Variants in CPEB1 observed in about 807,000 individuals in gnomAD.
The protein encoded by CPEB1 is cytoplasmic polyadenylation element-binding protein 1.
In CPEB1, 7 loss-of-function variants were observed where a neutral mutation model predicts 65.8. The observed-to-expected ratio is 0.11, with a 90% CI of 0.06 to 0.20. The LOEUF (loss-of-function observed/expected upper bound fraction) is 0.20, where lower values mean the gene tolerates loss of function less well. CPEB1 is among the 10% of genes least tolerant of loss of function. CPEB1 has a pLI of 1.00. For synonymous variants in CPEB1, 262 were observed against 260.0 expected (o/e 1.01, Z -0.08); for missense variants, 551 against 712.2 (o/e 0.77, Z 2.58).
chr15:82,569,429 T>C (rs1567188013), intron 4 of CPEB1, among the ~76,000 whole-genome samples: 1 of 152,190 alleles, frequency 6.6e-6, no homozygotes, highest in African/African-American at 2.4e-5. Flanking sequence ...TTCTGGTCCT[T>C]ATGAATTCTG....
intron 3 of CPEB1, chr15:82,571,921 C>T (rs1173079364): frequency 1.1e-6 from 1 of 927,784 alleles, no homozygotes; most frequent in African/African-American, 1.8e-5. Context: ...AAAGACAGCA[C>T]AACAGCTACT....
Position 82,591,229 on chromosome 15 carries a change from G to GT in CPEB1, c.272-19698dup, listed in dbSNP as rs533103392. ...TAGCCATCCTGACTGGTGTGAGGTAGTAACTTACTGTGGTTTTGATTTTCA... is the reference window on the plus strand; with the variant it reads ...TAGCCATCCTGACTGGTGTGAGGTAGTTAACTTACTGTGGTTTTGATTTTCA... On this transcript the variant is annotated intron_variant, in intron 3 of 12. Coordinates refer to ENST00000684509, the MANE Select transcript of CPEB1 (RefSeq NM_001365242.1). Among the ~76,000 whole-genome samples, 167 of 152,178 alleles carry GT rather than the reference G, an allele frequency of 1.1e-3. 2 individuals carry two copies. Among genetic ancestry groups the GT allele is most frequent in the South Asian group, 8.5e-3 (41 of 4,824 alleles).
At chr15:82,550,172 T>C (rs182724836) in intron 9 of CPEB1, among the ~76,000 whole-genome samples, 39 of 152,220 alleles carry the variant, frequency 2.6e-4, no homozygotes, top group Non-Finnish European at 4.7e-4. Context: ...GCAGTGGAAA[T>C]GACTGGCGAG....
At chr15:82,550,075 C>T (rs2035978412) in intron 9 of CPEB1, among the ~76,000 whole-genome samples, 1 of 152,208 alleles carries the variant, frequency 6.6e-6, no homozygotes, top group South Asian at 2.1e-4. Context: ...AGGCTAGGAT[C>T]CTGAAGGACA....
At chr15:82,579,142 T>A (rs2040969439) in intron 3 of CPEB1, among the ~76,000 whole-genome samples, 1 of 152,154 alleles carries the variant, frequency 6.6e-6, no homozygotes, top group African/African-American at 2.4e-5. Flanking sequence ...CATGAGATTT[T>A]AAAAGACCTC....
At chr15:82,631,982 C>CT (rs10656923) in intron 1 of CPEB1, among the ~76,000 whole-genome samples, 38,063 of 124,730 alleles carry the variant, frequency 0.31, 6,549 homozygotes, top group East Asian at 0.36. Context: ...ATTTTTTTCT[C>CT]TTTTTTTTTT....
chr15:82,572,373 G>C (rs540293250), intron 3 of CPEB1, among the ~76,000 whole-genome samples: 3 of 152,320 alleles, frequency 2.0e-5, no homozygotes, highest in African/African-American at 7.2e-5. Flanking sequence ...GCTTATCACA[G>C]AGAAAGGGGG....
At chr15:82,640,935 C>G (rs1200889493) in intron 1 of CPEB1, 1 of 150,582 alleles carries the variant, frequency 6.6e-6, no homozygotes, top group Non-Finnish European at 1.5e-5. Context: ...CATAGTCTTA[C>G]AAACCAAATG....
Position 82,544,523 on chromosome 15 carries a change from G to T in CPEB1, c.*69C>A. On this transcript the variant is annotated 3_prime_UTR_variant, in exon 13 of 13. Coordinates refer to ENST00000684509, the MANE Select transcript of CPEB1 (RefSeq NM_001365242.1). ...CCAGCTCCCTGGTCGCCAGTGGCAGGGTGGTGCAGGCTGCTTGCCTGACCT... is the reference window on the plus strand; with the variant it reads ...CCAGCTCCCTGGTCGCCAGTGGCAGTGTGGTGCAGGCTGCTTGCCTGACCT... The T allele has an allele frequency of 8.7e-7, 1 of 1,156,030 alleles. No individual in the cohort carries two copies. Among genetic ancestry groups the T allele is most frequent in the Non-Finnish European group, 1.3e-6 (1 of 789,494 alleles). The allele number at this position is 1,156,030 out of a possible 1,614,324, so 71.6% of individuals were successfully genotyped here. A position where few individuals can be genotyped will look rare whatever the true frequency, so the allele number is the denominator to read the frequency against.
At chr15:82,548,319 G>A (rs2035632767) in intron 10 of CPEB1, among the ~76,000 whole-genome samples, 2 of 152,028 alleles carry the variant, frequency 1.3e-5, no homozygotes, top group African/African-American at 2.4e-5. Context: ...CGGCAACAGA[G>A]TGAGACTCCA....
At chr15:82,614,827 A>G (rs1357656591) in intron 3 of CPEB1, among the ~76,000 whole-genome samples, 4 of 151,442 alleles carry the variant, frequency 2.6e-5, no homozygotes, top group Non-Finnish European at 1.5e-5. Flanking sequence ...CAGAAAACCT[A>G]GTTCAACTCT....
chr15:82,632,680 A>G (rs755170440), intron 1 of CPEB1, among the ~76,000 whole-genome samples: 1 of 151,368 alleles, frequency 6.6e-6, no homozygotes, highest in Non-Finnish European at 1.5e-5. Context: ...ATGCCCAGCT[A>G]ATTTTTTTTT....
chr15:82,598,076 G>A (rs1567210750), intron 3 of CPEB1, among the ~76,000 whole-genome samples: 1 of 152,198 alleles, frequency 6.6e-6, no homozygotes, highest in Non-Finnish European at 1.5e-5. Flanking sequence ...ATATCCAGAA[G>A]TTTAGCTACT....
chr15:82,576,032 T>C (rs959906772), intron 3 of CPEB1, among the ~76,000 whole-genome samples: 1 of 152,194 alleles, frequency 6.6e-6, no homozygotes. Flanking sequence ...TGTGCAAGAA[T>C]AGTCATAGCA....
At chr15:82,577,110 C>A (rs2040734673) in intron 3 of CPEB1, among the ~76,000 whole-genome samples, 1 of 152,184 alleles carries the variant, frequency 6.6e-6, no homozygotes, top group Non-Finnish European at 1.5e-5. Context: ...ATGGCTTTGA[C>A]AAAACATACT....
At chr15:82,573,264 G>C in intron 3 of CPEB1, 1 of 1,076,030 alleles carries the variant, frequency 9.3e-7, no homozygotes, top group East Asian at 2.7e-5. Context: ...CTTTGCTGCT[G>C]TGTCATCCAT....
intron 3 of CPEB1, among the ~76,000 whole-genome samples, chr15:82,604,207 G>T (rs951928126): frequency 6.6e-6 from 1 of 152,148 alleles, no homozygotes; most frequent in Non-Finnish European, 1.5e-5. Flanking sequence ...CAACGGGCCA[G>T]GTGCAGTGGC....
intron 3 of CPEB1, among the ~76,000 whole-genome samples, chr15:82,610,958 C>CAAAAAAAAAAAAAAA (rs60065545): frequency 3.7e-4 from 11 of 30,018 alleles, no homozygotes; most frequent in Admixed American, 1.5e-3. Flanking sequence ...ACTCCAGTCT[C>CAAAAAAAAAAAAAAA]AAAAAAAAAA....
Position 82,611,842 on chromosome 15 carries a change from A to G in CPEB1, c.271+15351T>C, listed in dbSNP as rs775826749. On this transcript the variant is annotated intron_variant, in intron 3 of 12. Coordinates refer to ENST00000684509, the MANE Select transcript of CPEB1 (RefSeq NM_001365242.1). ...AATAAATGACACATAAAAGAAATGT[A>G]TAACAGAATCGGGGGAGGGAGGGAT... Among the ~76,000 whole-genome samples, 10 of 152,088 alleles carry G rather than the reference A, an allele frequency of 6.6e-5. No homozygotes were observed. The South Asian group carries it at 8.3e-4, about 13-fold the overall frequency.
Sources: allele counts gnomAD v4.1 joint callset (sites outside exome capture counted in the v4.1 genomes callset), GRCh38; gene constraint gnomAD v4.1.1; transcripts MANE v1.5; gene names NCBI Gene and HGNC (gene_info 2026-07-23, HGNC 2026-07-21).